HGF: variants seen among roughly 807,000 people sequenced by gnomAD.
HGF encodes the protein fibroblast-derived tumor cytotoxic factor.
HGF carries 39 observed loss-of-function variants against 111.6 expected under a neutral mutation model. The observed-to-expected ratio is 0.35, with a 90% confidence interval of 0.27 to 0.46. The LOEUF (loss-of-function observed/expected upper bound fraction) is 0.46. Among genes scored for constraint, HGF ranks in the 20% least tolerant of loss-of-function variants. The probability of loss-of-function intolerance (pLI) is 1.00; values close to 1 mark genes in which losing one functional copy is unlikely to be tolerated. For synonymous variants in HGF, 285 were observed against 294.8 expected (o/e 0.97, Z 0.34); for missense variants, 735 against 910.5 (o/e 0.81, Z 2.48).
At chr7:81,705,889 G>T (rs1789412339) in intron 15 of HGF, 136 bp from the exon 16 acceptor site, 1 of 647,714 alleles carries the variant, frequency 1.5e-6, no homozygotes, top group Non-Finnish European at 2.7e-6. Context: ...AAAAAAAAAG[G>T]TGGGAATGTC....
At chr7:81,720,680 T>G in intron 10 of HGF, 65 bp downstream of exon 10, 1 of 880,530 alleles carries the variant, frequency 1.1e-6, no homozygotes, top group Admixed American at 1.8e-5. Flanking sequence ...GCAATGTACA[T>G]ATCTAAATAC....
In HGF at chr7:81,742,615, A is replaced by C. The variant is rs572766703; in HGVS notation, c.865+738T>G. The C allele has an allele frequency of 3.1e-3, 2,542 of 828,430 alleles. 6 individuals carry two copies. The highest frequency in any genetic ancestry group is 3.5e-3 in the Non-Finnish European group (2,239 of 639,934). The allele number at this position is 828,430 out of a possible 1,614,324, so 51.3% of individuals were successfully genotyped here. A position where few individuals can be genotyped will look rare whatever the true frequency, so the allele number is the denominator to read the frequency against. On this transcript the variant is annotated intron_variant, in intron 7 of 17. Coordinates refer to ENST00000222390, the MANE Select transcript of HGF (RefSeq NM_000601.6). ...ATGAAAACATTATGTAATATTGTTT[A>C]AGAGAACAGTGAAAATGTGTGACTT... is the stretch of plus-strand genomic sequence containing the variant.
rs549458485 is a variant in HGF at position 81,760,169 on chromosome 7, T to C, written c.255-1365A>G. 1.2e-3 allele frequency among the ~76,000 whole-genome samples: 184 copies of C among 152,392 alleles called. 1 individual carries two copies. The highest frequency in any genetic ancestry group is 4.0e-3 in the Admixed American group (61 of 15,312). ...TTAGGTTTGACTTTTAGAGTCTTTA[T>C]CTTAACATCGTTCTAGTTGTAATCT... On this transcript the variant is annotated intron_variant, in intron 2 of 17. Coordinates refer to ENST00000222390, the MANE Select transcript of HGF (RefSeq NM_000601.6).
chr7:81,737,606 A>G (rs995897853), intron 7 of HGF, among the ~76,000 whole-genome samples: 1 of 152,114 alleles, frequency 6.6e-6, no homozygotes, highest in Non-Finnish European at 1.5e-5. Flanking sequence ...AGCAAATACA[A>G]GACACCCAGC....
intron 5 of HGF, among the ~76,000 whole-genome samples, chr7:81,749,293 A>G (rs898176466): frequency 1.3e-5 from 2 of 152,242 alleles, no homozygotes; most frequent in African/African-American, 4.8e-5. Context: ...TCATTTGACA[A>G]TCATTAGAAA....
intron 6 of HGF, among the ~76,000 whole-genome samples, chr7:81,744,757 G>T (rs995568951): frequency 1.3e-5 from 2 of 152,098 alleles, no homozygotes; most frequent in East Asian, 3.9e-4. Context: ...CTGACCAGTT[G>T]GCTATGTAGT....
chr7:81,738,192 C>T (rs1037313579), intron 7 of HGF, among the ~76,000 whole-genome samples: 32 of 152,176 alleles, frequency 2.1e-4, no homozygotes, highest in African/African-American at 7.2e-4. Flanking sequence ...GGTTTACCTA[C>T]ATGACAAACC....
At chr7:81,710,367 G>C in intron 12 of HGF, 124 bp from the exon 13 acceptor site, 1 of 732,948 alleles carries the variant, frequency 1.4e-6, no homozygotes, top group Non-Finnish European at 2.4e-6. Flanking sequence ...CCAAAGAACA[G>C]TTTGGTGAAA....
intron 11 of HGF, among the ~76,000 whole-genome samples, chr7:81,716,115 C>T (rs1789706082): frequency 6.6e-6 from 1 of 152,064 alleles, no homozygotes; most frequent in Admixed American, 6.6e-5. Context: ...CAGTGGTTAC[C>T]AGTGGAAATG....
chr7:81,756,169 T>C (rs956249160), intron 4 of HGF: 4 of 610,164 alleles, frequency 6.6e-6, no homozygotes, highest in Non-Finnish European at 1.2e-5. Flanking sequence ...GGGCTTATAT[T>C]CTGGCCATGT....
intron 4 of HGF, among the ~76,000 whole-genome samples, chr7:81,753,790 T>A (rs1788618624): frequency 6.6e-6 from 1 of 152,000 alleles, no homozygotes; most frequent in African/African-American, 2.4e-5. Flanking sequence ...GCATTCCTCA[T>A]ATGGGGAAAT....
At chr7:81,724,238 C>G (rs1390945895) in intron 9 of HGF, among the ~76,000 whole-genome samples, 2 of 152,080 alleles carry the variant, frequency 1.3e-5, no homozygotes, top group Non-Finnish European at 2.9e-5. Flanking sequence ...CTAACTGATC[C>G]TTAAAGGAAC....
chr7:81,753,435 CT>C (rs1274155716), intron 4 of HGF, among the ~76,000 whole-genome samples: 4 of 151,982 alleles, frequency 2.6e-5, no homozygotes, highest in Admixed American at 6.6e-5. Flanking sequence ...CTAAATGGCA[CT>C]AAAATTAGAG....
intron 3 of HGF, among the ~76,000 whole-genome samples, chr7:81,757,550 G>T (rs112072288): frequency 1.2e-4 from 18 of 152,158 alleles, no homozygotes; most frequent in African/African-American, 4.1e-4. Context: ...GAGAGCAGTC[G>T]CTGTACTTAA....
Position 81,700,510 on chromosome 7 carries a change from AAAG to A in HGF, c.*2068_*2070del, listed in dbSNP as rs1242197736. ...CAGGAAATTTAGAGGAAGAGTCATTAAAGAAGTATTTTTAAAATGTGAGTATTT... is the reference window on the plus strand; with the variant it reads ...CAGGAAATTTAGAGGAAGAGTCATTAAAGTATTTTTAAAATGTGAGTATTT... On this transcript the variant is annotated 3_prime_UTR_variant, in exon 18 of 18. Coordinates refer to ENST00000222390, the MANE Select transcript of HGF (RefSeq NM_000601.6). 1.3e-5 allele frequency: 2 copies of A among 151,846 alleles called. No homozygotes were observed. The highest frequency in any genetic ancestry group is 2.4e-5 in the African/African-American group (1 of 41,542). The allele number at this position is 151,846 out of a possible 1,614,324, so 9.4% of individuals were successfully genotyped here.
rs1050028598 is a variant in HGF, at chr7:81,699,171, T to G, written c.*3410A>C. ...CTCAATAGGCAGCTTATTAATTTCC[T>G]ATTTACATACAAGACAAACAGTCAT... is the stretch of plus-strand genomic sequence containing the variant. On this transcript the variant is annotated 3_prime_UTR_variant, in exon 18 of 18. Transcript: ENST00000222390. 2 of 151,602 alleles carry G rather than the reference T, an allele frequency of 1.3e-5. No homozygotes were observed. The highest frequency in any genetic ancestry group is 3.0e-5 in the Non-Finnish European group (2 of 67,682). The allele number at this position is 151,602 out of a possible 1,614,324, so 9.4% of individuals were successfully genotyped here.
At chr7:81,716,966 C>T (rs550724964) in intron 11 of HGF, among the ~76,000 whole-genome samples, 4 of 152,072 alleles carry the variant, frequency 2.6e-5, no homozygotes, top group East Asian at 3.9e-4. Context: ...TTAATGCTTT[C>T]GGAATCCCAA....
In HGF at chr7:81,705,746, C is replaced by G. The variant is rs538415452; in HGVS notation, c.1765G>C (p.Val589Leu). 4 of 1,605,308 alleles carry G rather than the reference C, an allele frequency of 2.5e-6. No homozygotes were observed. Among genetic ancestry groups the G allele is most frequent in the East Asian group, 2.2e-5 (1 of 44,712 alleles). Reference sequence around the variant, plus strand: ...ATCGTACTAACAAAATCATCCAGGACAGCAGGCCTGAAAACACAAAATACA... The same window carrying G: ...ATCGTACTAACAAAATCATCCAGGAGAGCAGGCCTGAAAACACAAAATACA... ...LVLMKLARPA[V>L]LDDFVSTIDL... The change falls in exon 16 of 18, where the codon GTC (valine) becomes CTC (leucine). Residue 589 changes from valine (V) to leucine (L), a missense_variant. Coordinates refer to ENST00000222390, the MANE Select transcript of HGF (RefSeq NM_000601.6).
At position 81,751,617 on chromosome 7, in the gene HGF, C is replaced by T. The variant is rs1053930826; in HGVS notation, c.625+503G>A. On this transcript the variant is annotated intron_variant, in intron 5 of 17. Transcript: ENST00000222390. ...CATTTGATTCTAGGCACATTTTCAC[C>T]AAAATGTGCATGGGGTCAAGCTTCC... 8.0e-6 allele frequency: 8 copies of T among 994,008 alleles called. No individual in the cohort carries two copies. In the South Asian group the frequency reaches 2.7e-4, roughly 34 times the overall value. The allele number at this position is 994,008 out of a possible 1,614,324, so 61.6% of individuals were successfully genotyped here.
Sources: allele counts gnomAD v4.1 joint callset (sites outside exome capture counted in the v4.1 genomes callset), GRCh38; gene constraint gnomAD v4.1.1; transcripts MANE v1.5; gene names NCBI Gene and HGNC (gene_info 2026-07-23, HGNC 2026-07-21).